Variants in NELFA observed in about 807,000 individuals in gnomAD.
NELFA encodes the protein negative elongation factor complex member A, also known as negative elongation factor A.
Under a neutral mutation model 51.8 loss-of-function variants are expected in NELFA, and 35 were observed. The observed-to-expected ratio is 0.68, with a 90% CI of 0.52 to 0.90. The LOEUF is 0.90. Among genes scored for constraint, NELFA ranks in the 40% least tolerant of loss-of-function variants. The pLI is 0.00. For synonymous variants in NELFA, 417 were observed against 338.4 expected (o/e 1.23, Z -2.55); for missense variants, 658 against 746.4 (o/e 0.88, Z 1.38).
chr4:2,003,831 T>C (rs1728637580), intron 1 of NELFA: 1 of 146,870 alleles, frequency 6.8e-6, no homozygotes, highest in African/African-American at 2.5e-5. Flanking sequence ...GTTCTGCATA[T>C]GCATCCTTTT....
At chr4:1,987,700 G>T in intron 4 of NELFA, 2 of 557,666 alleles carry the variant, frequency 3.6e-6, no homozygotes, top group Non-Finnish European at 6.4e-6. Flanking sequence ...TCAGATCCCG[G>T]CCCTCCTGTC....
chr4:1,997,120 C>CA (rs576462513), intron 1 of NELFA, among the ~76,000 whole-genome samples: 43 of 151,302 alleles, frequency 2.8e-4, no homozygotes, highest in South Asian at 1.5e-3. Flanking sequence ...TTAAAACAAA[C>CA]AAAAAAAACA....
intron 4 of NELFA, 194 bp from the exon 5 acceptor site, chr4:1,986,596 A>G: frequency 1.3e-6 from 1 of 787,212 alleles, no homozygotes; most frequent in Non-Finnish European, 2.0e-6. Flanking sequence ...ACGACCTCAC[A>G]CTTTGCCAAG....
intron 1 of NELFA, among the ~76,000 whole-genome samples, chr4:1,998,466 T>C (rs1728489481): frequency 6.6e-6 from 1 of 152,166 alleles, no homozygotes; most frequent in African/African-American, 2.4e-5. Flanking sequence ...AATGACCTGA[T>C]GAAGCTGAAA....
Position 1,985,773 on chromosome 4 carries a change from T to G in NELFA, c.924+3A>C. 6.2e-7 allele frequency: 1 copy of G among 1,612,708 alleles called. No individual in the cohort carries two copies. The highest frequency in any genetic ancestry group is 8.5e-7 in the Non-Finnish European group (1 of 1,179,498). On this transcript the variant is annotated splice_donor_region_variant and intron_variant, in intron 7 of 10. Transcript: ENST00000382882. The stretch of plus-strand genomic sequence containing the variant: ...AGACATGGGGTGCAGCCCCGAGCCC[T>G]ACCTGCGTGGACACCAGGCCGGCTG...
Position 1,984,024 on chromosome 4 carries a change from TG to T in NELFA, c.1125del (p.Met376CysfsTer6). The T allele has an allele frequency of 6.2e-7, 1 of 1,607,788 alleles. No homozygotes were observed. On this transcript the variant is annotated frameshift_variant, in exon 9 of 11. Transcript: ENST00000382882. LOFTEE classifies it high-confidence loss of function. ...GCAGGGCTCAGGCCGCTGTTGTACA[TG>T]GGCGCCCGCTGCTTGAACTGCGCTG... is the stretch of plus-strand genomic sequence containing the variant. Reference protein sequence around the residue: ...TLPAQFKQRAPMYNSGLSPAT... With the variant: ...TLPAQFKQRAXMYNSGLSPAT...
chr4:1,984,154 A>C (rs1462270907), intron 8 of NELFA, 41 bp from the exon 9 acceptor site: 62 of 1,476,676 alleles, frequency 4.2e-5, no homozygotes, highest in Non-Finnish European at 5.4e-5. Context: ...CTGGACCCCC[A>C]CCCTGTTCCC....
chr4:1,996,983 G>A (rs1363041430), intron 1 of NELFA, among the ~76,000 whole-genome samples: 1 of 152,160 alleles, frequency 6.6e-6, no homozygotes, highest in Admixed American at 6.5e-5. Flanking sequence ...GTATGGTGGT[G>A]CATGCCTGCA....
At chr4:1,991,870 C>T (rs999672874) in intron 1 of NELFA, 155 bp from the exon 2 acceptor site, 18 of 730,708 alleles carry the variant, frequency 2.5e-5, no homozygotes, top group African/African-American at 1.6e-4. Flanking sequence ...CTGAGCCCCC[C>T]GCCTCACCCC....
At chr4:1,993,578 C>CAA (rs113717027) in intron 1 of NELFA, among the ~76,000 whole-genome samples, 34,378 of 109,400 alleles carry the variant, frequency 0.31, 4,311 homozygotes, top group Middle Eastern at 0.38. Flanking sequence ...AACTCCATCT[C>CAA]AAAAAAAAAA....
At chr4:1,999,910 C>T (rs1295283684) in intron 1 of NELFA, among the ~76,000 whole-genome samples, 1 of 152,108 alleles carries the variant, frequency 6.6e-6, no homozygotes, top group African/African-American at 2.4e-5. Context: ...TGCAAAAGAA[C>T]TGAAATCATA....
At chr4:1,996,392 T>G (rs1170611363) in intron 1 of NELFA, among the ~76,000 whole-genome samples, 1 of 152,224 alleles carries the variant, frequency 6.6e-6, no homozygotes, top group Non-Finnish European at 1.5e-5. Context: ...AGAGAATTTA[T>G]GGACATACGC....
At chr4:1,986,674 T>G (rs1055694157) in intron 4 of NELFA, 2 of 436,148 alleles carry the variant, frequency 4.6e-6, no homozygotes, top group Non-Finnish European at 4.2e-6. Context: ...CTCTCACCAG[T>G]GTGGCGGGGG....
At position 1,983,222 on chromosome 4, in the gene NELFA, T is replaced by C. The variant is rs1577607834; in HGVS notation, c.*97A>G. On this transcript the variant is annotated 3_prime_UTR_variant, in exon 11 of 11. Coordinates refer to ENST00000382882, the MANE Select transcript of NELFA (RefSeq NM_005663.5). ...GCAGCAGGGCGGCGGCCGGGGGACCTCGGGGGCCAGGTGTCCGCCATCCGG... is the reference window on the plus strand; with the variant it reads ...GCAGCAGGGCGGCGGCCGGGGGACCCCGGGGGCCAGGTGTCCGCCATCCGG... The C allele has an allele frequency of 4.5e-6, 6 of 1,335,930 alleles. No homozygotes were observed. Among genetic ancestry groups the C allele is most frequent in the East Asian group, 2.4e-5 (1 of 41,914 alleles). 82.8% of individuals were successfully genotyped at this position (1,335,930 alleles called of 1,614,324 possible).
chr4:2,007,855 G>C, intron 1 of NELFA: 1 of 405,210 alleles, frequency 2.5e-6, no homozygotes, highest in Non-Finnish European at 4.9e-6. Context: ...TACATCAGTA[G>C]CCAGGAACGT....
chr4:1,994,862 A>T lies in NELFA; in HGVS notation c.211-3147T>A, dbSNP rs1395538835. ...AGACTCCGTCTCAAAAAAAAAAAAA[A>T]AAATTAAAAATAAAAAGACACATTA... On this transcript the variant is annotated intron_variant, in intron 1 of 10. Transcript: ENST00000382882. Among the ~76,000 whole-genome samples, 17 of 152,222 alleles carry T rather than the reference A, an allele frequency of 1.1e-4. No individual in the cohort carries two copies. The East Asian group carries it at 2.1e-3, about 19-fold the overall frequency.
At chr4:2,000,920 G>A (rs1282853088) in intron 1 of NELFA, among the ~76,000 whole-genome samples, 1 of 152,196 alleles carries the variant, frequency 6.6e-6, no homozygotes, top group Non-Finnish European at 1.5e-5. Context: ...ACCGAATCCA[G>A]CAGCACATCA....
chr4:1,983,254 T>A lies in NELFA; in HGVS notation c.*65A>T. ...CCAGGTGTCCGCCATCCGGTTACTT[T>A]AAGCTGGCAAAGCCATCGTCCCGTG... is the stretch of plus-strand genomic sequence containing the variant. On this transcript the variant is annotated 3_prime_UTR_variant, in exon 11 of 11. Transcript: ENST00000382882. 1 of 1,529,944 alleles carries A rather than the reference T, an allele frequency of 6.5e-7. No homozygotes were observed. Among genetic ancestry groups the A allele is most frequent in the Non-Finnish European group, 8.9e-7 (1 of 1,125,508 alleles). 94.8% of individuals were successfully genotyped at this position (1,529,944 alleles called of 1,614,324 possible).
Position 1,984,126 on chromosome 4 carries a change from C to T in NELFA, c.1037-13G>A, listed in dbSNP as rs192674889. On this transcript the variant is annotated splice_polypyrimidine_tract_variant and intron_variant, in intron 8 of 10. Coordinates refer to ENST00000382882, the MANE Select transcript of NELFA (RefSeq NM_005663.5). The stretch of plus-strand genomic sequence containing the variant: ...CGGGAAGATGGGGCTGCAAGTAGAC[C>T]GGGGCCTGGTGAGGGGGCTGGACCC... The T allele has an allele frequency of 2.1e-4, 315 of 1,536,296 alleles. No individual in the cohort carries two copies. The highest frequency in any genetic ancestry group is 4.1e-4 in the African/African-American group (30 of 73,416).
Sources: gnomAD v4.1 joint callset for allele counts (sites outside exome capture counted in the v4.1 genomes callset) on GRCh38, gnomAD v4.1.1 for gene constraint, MANE v1.5 for transcripts, NCBI Gene and HGNC (gene_info 2026-07-23, HGNC 2026-07-21) for gene names.